EAF2: variants seen among roughly 807,000 people sequenced by gnomAD.
EAF2 encodes the protein ELL associated factor 2.
In EAF2, 29 loss-of-function variants were observed where a neutral mutation model predicts 29.4. That is an observed-to-expected ratio of 0.99 (90% confidence interval 0.73 to 1.35). EAF2 has a LOEUF of 1.35. Ranked by LOEUF, EAF2 falls within the 40% of genes most tolerant of loss-of-function variation. The pLI, the probability that EAF2 is intolerant of heterozygous loss-of-function variation, is 0.00. For synonymous variants in EAF2, 103 were observed against 102.5 expected, an observed-to-expected ratio of 1.00 and a Z score of -0.03; for missense variants, 292 against 312.0, an observed-to-expected ratio of 0.94 and a Z score of 0.48.
intron 5 of EAF2, among the ~76,000 whole-genome samples, chr3:121,876,445 A>C (rs1262372171): frequency 6.6e-6 from 1 of 151,900 alleles, no homozygotes; most frequent in African/African-American, 2.4e-5. Flanking sequence ...GAAAGTGTGG[A>C]ATATGAGAAA....
At position 121,873,333 on chromosome 3, in the gene EAF2, T is replaced by G. The variant is rs1310415386; in HGVS notation, c.736+545T>G. On this transcript the variant is annotated intron_variant, in intron 5 of 5. Transcript: ENST00000273668. ...AGCATACATCTAATTATGCAAATCA[T>G]AAGTCTAATTATTTTCAATGGCTGA... is the stretch of plus-strand genomic sequence containing the variant. 3.4e-4 allele frequency among the ~76,000 whole-genome samples: 51 copies of G among 151,862 alleles called. 1 individual carries two copies. Among genetic ancestry groups the G allele is most frequent in the Admixed American group, 3.4e-3 (51 of 15,212 alleles).
intron 5 of EAF2, among the ~76,000 whole-genome samples, chr3:121,878,307 A>C (rs911667881): frequency 6.6e-6 from 1 of 152,152 alleles, no homozygotes; most frequent in African/African-American, 2.4e-5. Flanking sequence ...TTTATGACTT[A>C]CACGTGATAT....
chr3:121,835,251 G>T lies in EAF2; in HGVS notation c.-35G>T. On this transcript the variant is annotated 5_prime_UTR_variant, in exon 1 of 6. Coordinates refer to ENST00000273668, the MANE Select transcript of EAF2 (RefSeq NM_018456.6). Reference sequence around the variant, plus strand: ...GCTGAGGTGGCAGATAGTGAGCGCTGGTGGCGGAGTTAAAGTCAAAGCAGG... The same window carrying T: ...GCTGAGGTGGCAGATAGTGAGCGCTTGTGGCGGAGTTAAAGTCAAAGCAGG... The T allele has an allele frequency of 6.3e-7, 1 of 1,599,882 alleles. No homozygotes were observed. Among genetic ancestry groups the T allele is most frequent in the Non-Finnish European group, 8.6e-7 (1 of 1,166,996 alleles).
At chr3:121,871,707 T>C (rs1475471122) in intron 4 of EAF2, among the ~76,000 whole-genome samples, 1 of 152,050 alleles carries the variant, frequency 6.6e-6, no homozygotes, top group Non-Finnish European at 1.5e-5. Flanking sequence ...CAAATGTCAA[T>C]GTGTTAACTG....
chr3:121,883,981 C>G (rs1299495000), intron 5 of EAF2, among the ~76,000 whole-genome samples: 3 of 152,166 alleles, frequency 2.0e-5, no homozygotes, highest in African/African-American at 7.2e-5. Context: ...ACTCATATTA[C>G]AGGCATCATA....
intron 1 of EAF2, among the ~76,000 whole-genome samples, chr3:121,838,638 G>A (rs1288502076): frequency 6.6e-6 from 1 of 152,152 alleles, no homozygotes; most frequent in Non-Finnish European, 1.5e-5. Flanking sequence ...AAGATATTTT[G>A]CATACATTTG....
chr3:121,879,843 T>G (rs1347728726), intron 5 of EAF2, among the ~76,000 whole-genome samples: 1 of 152,100 alleles, frequency 6.6e-6, no homozygotes, highest in East Asian at 1.9e-4. Context: ...ATGTTCTTTT[T>G]GTTCAGGGTT....
Position 121,886,276 on chromosome 3 carries a change from T to C in EAF2, c.737-66T>C, listed in dbSNP as rs952277275. 5 of 1,078,974 alleles carry C rather than the reference T, an allele frequency of 4.6e-6. No individual in the cohort carries two copies. In the African/African-American group the frequency reaches 8.3e-5, roughly 18 times the overall value. The allele number at this position is 1,078,974 out of a possible 1,614,324, so 66.8% of individuals were successfully genotyped here. On this transcript the variant is annotated intron_variant, in intron 5 of 5. Coordinates refer to ENST00000273668, the MANE Select transcript of EAF2 (RefSeq NM_018456.6). ...TGGGGGCTATATTTTGTGTAAAATT[T>C]GTGTTATGCAAAAATAATATTAAAT...
chr3:121,870,265 C>A (rs1458889527), intron 4 of EAF2, among the ~76,000 whole-genome samples: 1 of 152,050 alleles, frequency 6.6e-6, no homozygotes, highest in African/African-American at 2.4e-5. Context: ...TGAACTTAAA[C>A]TCAAAAATTA....
At chr3:121,874,074 T>G (rs1709059703) in intron 5 of EAF2, among the ~76,000 whole-genome samples, 1 of 151,862 alleles carries the variant, frequency 6.6e-6, no homozygotes, top group South Asian at 2.1e-4. Flanking sequence ...ACATGGTACT[T>G]GACACATAAT....
chr3:121,847,506 A>T (rs1009013019), intron 2 of EAF2, among the ~76,000 whole-genome samples: 4 of 152,232 alleles, frequency 2.6e-5, no homozygotes, highest in Non-Finnish European at 5.9e-5. Flanking sequence ...GCATATATAT[A>T]GGCTAGGTCA....
Position 121,884,452 on chromosome 3 carries a change from G to A in EAF2, c.737-1890G>A, listed in dbSNP as rs528309513. On this transcript the variant is annotated intron_variant, in intron 5 of 5. Transcript: ENST00000273668. Reference sequence around the variant, plus strand: ...ATTTATTTATTTTTTTTTTTGAGAAGGAGTTTCACTCTGTCGCCAGGCTGG... The same window carrying A: ...ATTTATTTATTTTTTTTTTTGAGAAAGAGTTTCACTCTGTCGCCAGGCTGG... 8.6e-5 allele frequency among the ~76,000 whole-genome samples: 13 copies of A among 150,810 alleles called. No homozygotes were observed. The South Asian group carries it at 2.1e-3, about 24-fold the overall frequency.
intron 4 of EAF2, among the ~76,000 whole-genome samples, chr3:121,871,473 A>G (rs2107538447): frequency 6.6e-6 from 1 of 152,172 alleles, no homozygotes; most frequent in African/African-American, 2.4e-5. Flanking sequence ...AAATTTATCT[A>G]GCTGTACATT....
chr3:121,843,929 T>C (rs1315678625), intron 1 of EAF2, among the ~76,000 whole-genome samples: 1 of 152,136 alleles, frequency 6.6e-6, no homozygotes, highest in Non-Finnish European at 1.5e-5. Context: ...TATTCATTCA[T>C]TTTGTTTGGA....
chr3:121,835,233 T>C lies in EAF2; in HGVS notation c.-53T>C. 1 of 1,547,752 alleles carries C rather than the reference T, an allele frequency of 6.5e-7. No homozygotes were observed. On this transcript the variant is annotated 5_prime_UTR_variant, in exon 1 of 6. Transcript: ENST00000273668. Reference sequence around the variant, plus strand: ...CAAGTGCAGCTGCTTCAGGCTGAGGTGGCAGATAGTGAGCGCTGGTGGCGG... The same window carrying C: ...CAAGTGCAGCTGCTTCAGGCTGAGGCGGCAGATAGTGAGCGCTGGTGGCGG...
chr3:121,844,392 T>A (rs1708485419), intron 1 of EAF2, 61 bp from the exon 2 acceptor site: 9 of 1,040,728 alleles, frequency 8.6e-6, no homozygotes, highest in Non-Finnish European at 1.3e-5. Flanking sequence ...AACATGCTCA[T>A]AATTTTTATA....
At chr3:121,840,500 A>AC (rs1708395182) in intron 1 of EAF2, among the ~76,000 whole-genome samples, 1 of 75,886 alleles carries the variant, frequency 1.3e-5, no homozygotes, top group South Asian at 3.2e-4. Flanking sequence ...AAAAAAAAAA[A>AC]AAAAAAAAGA....
chr3:121,841,436 C>T (rs978712669), intron 1 of EAF2, among the ~76,000 whole-genome samples: 2 of 137,070 alleles, frequency 1.5e-5, no homozygotes, highest in Non-Finnish European at 3.1e-5. Flanking sequence ...ACCCAGGAGG[C>T]GTACGTTACA....
intron 1 of EAF2, chr3:121,836,565 A>C (rs1250107044): frequency 1.1e-6 from 1 of 883,408 alleles, no homozygotes; most frequent in African/African-American, 1.8e-5. Context: ...GGTAGAATAA[A>C]TGGGTGAGAT....
Sources: gnomAD v4.1 joint callset for allele counts (sites outside exome capture counted in the v4.1 genomes callset) on GRCh38, gnomAD v4.1.1 for gene constraint, MANE v1.5 for transcripts, NCBI Gene and HGNC (gene_info 2026-07-23, HGNC 2026-07-21) for gene names.